LOC400499: variants seen among roughly 807,000 people sequenced by gnomAD.
At chr16:11,417,269 C>A in the LOC400499 span, among the ~76,000 whole-genome samples, 54 of 152,272 alleles carry the variant, frequency 3.5e-4, no homozygotes, top group African/African-American at 1.2e-3. Flanking sequence ...TTCTGTCACC[C>A]AGGCTGGAGG....
the LOC400499 span, among the ~76,000 whole-genome samples, chr16:11,418,363 G>A: frequency 6.6e-6 from 1 of 152,130 alleles, no homozygotes; most frequent in Non-Finnish European, 1.5e-5. Flanking sequence ...ACAAGATACA[G>A]GTCATAAAGA....
the LOC400499 span, chr16:11,435,747 C>T: frequency 5.0e-6 from 2 of 399,318 alleles, no homozygotes; most frequent in Admixed American, 4.4e-5. Flanking sequence ...ACACTCACAC[C>T]CCAGCCCCGG....
At chr16:11,411,465 G>A in the LOC400499 span, 126 of 397,024 alleles carry the variant, frequency 3.2e-4, no homozygotes, top group African/African-American at 2.5e-3. Flanking sequence ...CCAGTTCAGG[G>A]CTATTCACAC....
the LOC400499 span, among the ~76,000 whole-genome samples, chr16:11,524,165 A>C: frequency 1.0e-4 from 1 of 9,866 alleles, no homozygotes; most frequent in African/African-American, 5.1e-4. Context: ...TCCACCCCCC[A>C]ACCCCCCAAT....
At chr16:11,430,436 G>C in the LOC400499 span, among the ~76,000 whole-genome samples, 1 of 152,158 alleles carries the variant, frequency 6.6e-6, no homozygotes, top group South Asian at 2.1e-4. Flanking sequence ...GTTGCAGTGA[G>C]CTGAGATTGC....
At chr16:11,385,076 G>C in the LOC400499 span, 38 of 1,232,244 alleles carry the variant, frequency 3.1e-5, no homozygotes, top group South Asian at 6.2e-4. Flanking sequence ...CTGTGGGCCA[G>C]AGGGGGCTGG....
chr16:11,459,188 ATTTTTTTTTT>A, the LOC400499 span, among the ~76,000 whole-genome samples: 184 of 119,896 alleles, frequency 1.5e-3, no homozygotes, highest in African/African-American at 5.8e-3. Flanking sequence ...TCCTAAACCA[ATTTTTTTTTT>A]TTTTTTTTTT....
the LOC400499 span, among the ~76,000 whole-genome samples, chr16:11,525,095 C>A: frequency 6.6e-6 from 1 of 151,986 alleles, no homozygotes; most frequent in African/African-American, 2.4e-5. Flanking sequence ...ACCAGCCTGG[C>A]CAGCATGGCG....
the LOC400499 span, chr16:11,467,299 A>G: frequency 0.38 from 46,969 of 122,264 alleles, 8,008 homozygotes; most frequent in Admixed American, 0.5. Context: ...GTCCTCACAG[A>G]GTTAAAAAAA....
chr16:11,497,343 T>C, the LOC400499 span, among the ~76,000 whole-genome samples: 1 of 152,222 alleles, frequency 6.6e-6, no homozygotes, highest in African/African-American at 2.4e-5. Flanking sequence ...TTTCCCTATA[T>C]TTGAGCAAAG....
chr16:11,484,100 C>T, the LOC400499 span, among the ~76,000 whole-genome samples: 89 of 145,388 alleles, frequency 6.1e-4, no homozygotes, highest in African/African-American at 2.1e-3. Flanking sequence ...CTCCGCCTCC[C>T]GAGTTCACAC....
At chr16:11,411,205 T>C in the LOC400499 span, 4 of 399,154 alleles carry the variant, frequency 1.0e-5, no homozygotes, top group Admixed American at 4.4e-5. Flanking sequence ...GGGCTGGGCA[T>C]CTGGAACCAG....
At chr16:11,448,084 A>C in the LOC400499 span, 3 of 1,533,084 alleles carry the variant, frequency 2.0e-6, no homozygotes, top group Non-Finnish European at 2.6e-6. Context: ...CTGCAACAAG[A>C]TCCAGGCTGA....
the LOC400499 span, among the ~76,000 whole-genome samples, chr16:11,407,034 G>GCAATAAATCCAGCT: frequency 6.6e-6 from 1 of 152,088 alleles, no homozygotes; most frequent in African/African-American, 2.4e-5. Flanking sequence ...CATAAATCAT[G>GCAATAAATCCAGCT]CAATAAATCC....
the LOC400499 span, among the ~76,000 whole-genome samples, chr16:11,520,564 G>A: frequency 6.6e-6 from 1 of 151,780 alleles, no homozygotes; most frequent in Admixed American, 6.6e-5. Flanking sequence ...CTACTCAGGA[G>A]GCTGACGCAG....
the LOC400499 span, among the ~76,000 whole-genome samples, chr16:11,379,089 C>T: frequency 1.3e-5 from 2 of 152,084 alleles, no homozygotes; most frequent in Non-Finnish European, 2.9e-5. Flanking sequence ...CATGGTGAAA[C>T]CCTGTCTCTA....
At chr16:11,518,828 G>C in the LOC400499 span, 12 of 398,960 alleles carry the variant, frequency 3.0e-5, no homozygotes. Flanking sequence ...GACAGCTGTT[G>C]AAAGACGGCA....
chr16:11,486,827 T>C, the LOC400499 span, among the ~76,000 whole-genome samples: 1 of 49,632 alleles, frequency 2.0e-5, no homozygotes, highest in Non-Finnish European at 3.5e-5. Flanking sequence ...GGCGGGTGGG[T>C]GGTTGGATGA....
chr16:11,389,009 CT>C, the LOC400499 span, among the ~76,000 whole-genome samples: 3 of 152,208 alleles, frequency 2.0e-5, no homozygotes, highest in Non-Finnish European at 4.4e-5. Context: ...ATCCCTTGAA[CT>C]TGGGAGGCAG....
Sources: allele counts gnomAD v4.1 joint callset (sites outside exome capture counted in the v4.1 genomes callset), GRCh38; gene constraint gnomAD v4.1.1; transcripts MANE v1.5.